PCDHGB3: variants seen among roughly 807,000 people sequenced by gnomAD.
PCDHGB3 encodes protocadherin gamma-B3.
In PCDHGB3, 40 loss-of-function variants were observed where a neutral mutation model predicts 59.2. The observed-to-expected ratio is 0.68, with a 90% CI of 0.52 to 0.88. The LOEUF (loss-of-function observed/expected upper bound fraction) is 0.88, where lower values mean the gene tolerates loss of function less well. PCDHGB3 is among the 40% of genes least tolerant of loss of function. PCDHGB3 has a pLI of 0.00. For missense variants in PCDHGB3, 1,309 were observed against 1,187.9 expected, an observed-to-expected ratio of 1.10 and a Z score of -1.50; for synonymous variants, 581 against 503.6, an observed-to-expected ratio of 1.15 and a Z score of -2.06.
chr5:141,396,811 A>G (rs999771105), intron 1 of PCDHGB3, among the ~76,000 whole-genome samples: 1 of 152,226 alleles, frequency 6.6e-6, no homozygotes, highest in Non-Finnish European at 1.5e-5. Flanking sequence ...GTAGTGTTCT[A>G]CTGTATGGTG....
chr5:141,431,004 G>A lies in PCDHGB3; in HGVS notation c.2415+58195G>A, dbSNP rs569594120. The A allele has an allele frequency of 6.2e-7, 1 of 1,614,048 alleles. No homozygotes were observed. The highest frequency in any genetic ancestry group is 1.1e-5 in the South Asian group (1 of 91,074). On this transcript the variant is annotated intron_variant, in intron 1 of 3. Coordinates refer to ENST00000576222, the MANE Select transcript of PCDHGB3 (RefSeq NM_018924.5). The surrounding 1 kb of genome is among the most constrained non-coding windows in gnomAD (Gnocchi z 4.8). ...CTTTTCGCCCTGAATCCGCGCAGCG[G>A]CAGCTTGGTCACGGCGGGCAGGATA... is the stretch of plus-strand genomic sequence containing the variant.
intron 1 of PCDHGB3, among the ~76,000 whole-genome samples, chr5:141,430,101 G>C (rs918427744): frequency 6.6e-6 from 1 of 152,036 alleles, no homozygotes; most frequent in African/African-American, 2.4e-5. Context: ...ATTTTTAAGC[G>C]TTACATGTCA....
In PCDHGB3 at chr5:141,376,166, G is replaced by A. The variant is rs753856036; in HGVS notation, c.2415+3357G>A. Reference sequence around the variant, plus strand: ...TTCGGACCTCACTCTGTACCTGGTGGTGGCGGTGGCCGCGGTCTCCTGCGT... The same window carrying A: ...TTCGGACCTCACTCTGTACCTGGTGATGGCGGTGGCCGCGGTCTCCTGCGT... On this transcript the variant is annotated intron_variant, in intron 1 of 3. Transcript: ENST00000576222. The A allele has an allele frequency of 3.3e-5, 53 of 1,614,094 alleles. 1 individual carries two copies. The South Asian group carries it at 5.3e-4, about 16-fold the overall frequency.
At chr5:141,434,080 A>G (rs775751994) in intron 1 of PCDHGB3, among the ~76,000 whole-genome samples, 2 of 152,042 alleles carry the variant, frequency 1.3e-5, no homozygotes, top group Non-Finnish European at 2.9e-5. Flanking sequence ...TCAATTATTT[A>G]TTTTGATGCT....
At chr5:141,398,980 G>T in intron 1 of PCDHGB3, 1 of 1,613,860 alleles carries the variant, frequency 6.2e-7, no homozygotes, top group Non-Finnish European at 8.5e-7. Context: ...CTACAGAACC[G>T]GGCAAATCTT....
intron 1 of PCDHGB3, among the ~76,000 whole-genome samples, chr5:141,381,166 C>A (rs1402987548): frequency 6.6e-6 from 1 of 152,204 alleles, no homozygotes; most frequent in Non-Finnish European, 1.5e-5. Context: ...ACTTAGGAGC[C>A]TCCCACAAAA....
At chr5:141,504,696 G>T (rs2099840373) in intron 2 of PCDHGB3, among the ~76,000 whole-genome samples, 1 of 151,438 alleles carries the variant, frequency 6.6e-6, no homozygotes, top group African/African-American at 2.4e-5. Flanking sequence ...GGAGGGGCAG[G>T]TTCTTCTATG....
intron 1 of PCDHGB3, chr5:141,409,285 T>G (rs773096828): frequency 6.2e-7 from 1 of 1,613,966 alleles, no homozygotes; most frequent in South Asian, 1.1e-5. Context: ...AGAATTCACC[T>G]CCAGGAATGG....
rs773893751 is a variant in PCDHGB3 at position 141,431,903 on chromosome 5, G to A, written c.2415+59094G>A. 2 of 1,613,916 alleles carry A rather than the reference G, an allele frequency of 1.2e-6. No individual in the cohort carries two copies. Among genetic ancestry groups the A allele is most frequent in the South Asian group, 2.2e-5 (2 of 91,080 alleles). ...CCAAGATTCTGAGGAAAACGGACAG[G>A]TGATCTGTTTCATCCAAGGAAATCT... On this transcript the variant is annotated intron_variant, in intron 1 of 3. Transcript: ENST00000576222. The surrounding 1 kb of genome is among the most constrained non-coding windows in gnomAD (Gnocchi z 4.8).
In PCDHGB3 at chr5:141,431,494, C is replaced by A; in HGVS notation, c.2415+58685C>A. 6.2e-7 allele frequency: 1 copy of A among 1,613,956 alleles called. No homozygotes were observed. Among genetic ancestry groups the A allele is most frequent in the Middle Eastern group, 1.6e-4 (1 of 6,062 alleles). On this transcript the variant is annotated intron_variant, in intron 1 of 3. Coordinates refer to ENST00000576222, the MANE Select transcript of PCDHGB3 (RefSeq NM_018924.5). This position sits in a 1 kb window ranked among gnomAD's most constrained non-coding sequence, Gnocchi z 4.8. Reference sequence around the variant, plus strand: ...ACAACGCACCAGCGTTTGCTCAGCCCGAGTACCGCGCGAGCGTTCCGGAGA... The same window carrying A: ...ACAACGCACCAGCGTTTGCTCAGCCAGAGTACCGCGCGAGCGTTCCGGAGA...
chr5:141,380,968 A>T (rs1005346854), intron 1 of PCDHGB3, among the ~76,000 whole-genome samples: 1 of 152,270 alleles, frequency 6.6e-6, no homozygotes, highest in African/African-American at 2.4e-5. Flanking sequence ...AAGTACTATT[A>T]AACAAATAGA....
chr5:141,388,278 A>G (rs769879098), intron 1 of PCDHGB3: 3 of 1,613,502 alleles, frequency 1.9e-6, no homozygotes, highest in East Asian at 2.2e-5. Context: ...CCACACGCCA[A>G]AATTCACGCA....
At chr5:141,398,529 G>A (rs375949491) in intron 1 of PCDHGB3, 2 of 1,613,544 alleles carry the variant, frequency 1.2e-6, no homozygotes, top group South Asian at 1.1e-5. Flanking sequence ...CAAAATTCAC[G>A]CAAAATTCCT....
At chr5:141,387,036 C>G (rs1026680473) in intron 1 of PCDHGB3, among the ~76,000 whole-genome samples, 1 of 152,116 alleles carries the variant, frequency 6.6e-6, no homozygotes, top group Non-Finnish European at 1.5e-5. Flanking sequence ...ATTTCATAAC[C>G]AGTAAAATAA....
chr5:141,482,661 T>A (rs1215403061), intron 1 of PCDHGB3, among the ~76,000 whole-genome samples: 2 of 151,742 alleles, frequency 1.3e-5, no homozygotes, highest in African/African-American at 4.9e-5. Flanking sequence ...TGAGCTATGA[T>A]CTAAAGGTTG....
chr5:141,460,498 T>G (rs1028506755), intron 1 of PCDHGB3, among the ~76,000 whole-genome samples: 1 of 152,184 alleles, frequency 6.6e-6, no homozygotes. Context: ...TGGAAAAATA[T>G]GCTGAGAAGG....
At chr5:141,419,928 T>G in intron 1 of PCDHGB3, 1 of 1,614,084 alleles carries the variant, frequency 6.2e-7, no homozygotes, top group South Asian at 1.1e-5. Flanking sequence ...GAGATGCAGT[T>G]TTACCTGGTG....
chr5:141,383,287 G>A (rs753501762), intron 1 of PCDHGB3: 2 of 1,613,798 alleles, frequency 1.2e-6, no homozygotes, highest in South Asian at 2.2e-5. Context: ...TAATGACAAC[G>A]TTCCAAGATT....
In PCDHGB3 at chr5:141,400,695, G is replaced by A. The variant is rs187552551; in HGVS notation, c.2415+27886G>A. On this transcript the variant is annotated intron_variant, in intron 1 of 3. Transcript: ENST00000576222. The stretch of plus-strand genomic sequence containing the variant: ...GCAGTAAATTGTGAGTTTTTATGTC[G>A]CATAAAAGAAGTAGCCTTATAGATT... 1.8e-5 allele frequency: 14 copies of A among 759,510 alleles called. No homozygotes were observed. The Admixed American group carries it at 4.0e-4, about 22-fold the overall frequency. The allele number at this position is 759,510 out of a possible 1,614,324, so 47.0% of individuals were successfully genotyped here.
Sources: allele counts gnomAD v4.1 joint callset (sites outside exome capture counted in the v4.1 genomes callset), GRCh38; gene constraint gnomAD v4.1.1; non-coding constraint Gnocchi (gnomAD v3.1); transcripts MANE v1.5; gene names NCBI Gene and HGNC (gene_info 2026-07-23, HGNC 2026-07-21).